ADAMTS20: variants seen among roughly 807,000 people sequenced by gnomAD.
ADAMTS20 encodes the protein ADAM metallopeptidase with thrombospondin type 1 motif 20.
In ADAMTS20, 225 loss-of-function variants were observed where a neutral mutation model predicts 260.1. The observed-to-expected ratio is 0.87, with a 90% confidence interval of 0.78 to 0.97. The LOEUF (loss-of-function observed/expected upper bound fraction) is 0.97, where lower values mean the gene tolerates loss of function less well. Among genes scored for constraint, ADAMTS20 ranks in the 50% least tolerant of loss-of-function variants. The pLI is 0.00. For synonymous variants in ADAMTS20, 802 were observed against 769.5 expected (o/e 1.04, Z -0.70); for missense variants, 2,400 against 2,337.7 (o/e 1.03, Z -0.55).
rs763702051 is a variant in ADAMTS20 at position 43,452,686 on chromosome 12, G to T, written c.1770C>A (p.Asn590Lys). ...TRRCNRPEPR[N>K]GGNYCVGRRM... ...TGCGGCCCACACAGTAATTTCCTCCGTTTCTTGGCCTAGTCAAATTCATTA... is the reference window on the plus strand; with the variant it reads ...TGCGGCCCACACAGTAATTTCCTCCTTTTCTTGGCCTAGTCAAATTCATTA... The change falls in exon 13 of 39, where the codon AAC (asparagine) becomes AAA (lysine). Residue 590 changes from asparagine to lysine, a missense_variant. Asn to Lys is a moderately conservative substitution (Grantham distance 94). Coordinates refer to ENST00000389420, the MANE Select transcript of ADAMTS20 (RefSeq NM_025003.5). 4 of 1,601,960 alleles carry T rather than the reference G, an allele frequency of 2.5e-6. No homozygotes were observed. The highest frequency in any genetic ancestry group is 2.2e-5 in the South Asian group (2 of 89,930).
chr12:43,551,050 G>A lies in ADAMTS20; in HGVS notation c.312C>T (p.Tyr104=). 6.2e-7 allele frequency: 1 copy of A among 1,613,950 alleles called. No homozygotes were observed. ...TADASFLAAG[Y]TEVHLGTPER... is the part of the protein sequence containing the mutation. ...CCGGGGTTCCCAAGTGCACCTCGGT[G>A]TAGCCGGCGGCCAGAAAGGATGCAT... Residue 104 remains tyrosine, a synonymous_variant, in exon 2 of 39, where the codon TAC becomes TAT. Transcript: ENST00000389420. The surrounding 1 kb of genome is among the most constrained non-coding windows in gnomAD (Gnocchi z 4.6).
Position 43,552,169 on chromosome 12 carries a change from ACT to A in ADAMTS20, c.-250_-249del, listed in dbSNP as rs1160620246. On this transcript the variant is annotated 5_prime_UTR_variant, in exon 1 of 39. Transcript: ENST00000389420. Reference sequence around the variant, plus strand: ...TCCTGCGCCCGCGCTGCCCTCAGAAACTCTCTGCTCAGGTTCAGCTCGGCGCG... The same window carrying A: ...TCCTGCGCCCGCGCTGCCCTCAGAAACTCTGCTCAGGTTCAGCTCGGCGCG... 1.3e-5 allele frequency among the ~76,000 whole-genome samples: 2 copies of A among 151,978 alleles called. No homozygotes were observed. The highest frequency in any genetic ancestry group is 2.1e-4 in the South Asian group (1 of 4,818).
intron 4 of ADAMTS20, among the ~76,000 whole-genome samples, chr12:43,493,548 T>A (rs749967326): frequency 1.1e-4 from 16 of 152,134 alleles, no homozygotes; most frequent in Non-Finnish European, 1.3e-4. Flanking sequence ...AGAGCTGATA[T>A]GAAACACAGA....
chr12:43,426,045 C>T (rs1941327045), intron 27 of ADAMTS20, among the ~76,000 whole-genome samples: 1 of 152,012 alleles, frequency 6.6e-6, no homozygotes, highest in Non-Finnish European at 1.5e-5. Context: ...AAGTCATGAG[C>T]ATTAATTACA....
At chr12:43,387,871 C>A (rs995617564) in intron 29 of ADAMTS20, among the ~76,000 whole-genome samples, 1 of 152,114 alleles carries the variant, frequency 6.6e-6, no homozygotes. Flanking sequence ...ATGGCTGATG[C>A]CCCTCCCCCC....
chr12:43,467,239 A>T (rs1050980834), intron 8 of ADAMTS20, among the ~76,000 whole-genome samples: 1 of 152,078 alleles, frequency 6.6e-6, no homozygotes, highest in Non-Finnish European at 1.5e-5. Context: ...ATTCTACAGT[A>T]TCCATCTATT....
At chr12:43,363,729 A>T (rs1166182298) in intron 37 of ADAMTS20, among the ~76,000 whole-genome samples, 5 of 152,208 alleles carry the variant, frequency 3.3e-5, no homozygotes, top group Non-Finnish European at 7.3e-5. Flanking sequence ...TGTTGTTAAG[A>T]GGAGGGTAGT....
chr12:43,535,555 C>T (rs1159608954), intron 2 of ADAMTS20, among the ~76,000 whole-genome samples: 1 of 152,098 alleles, frequency 6.6e-6, no homozygotes, highest in Non-Finnish European at 1.5e-5. Context: ...CAACAGAAAG[C>T]ACAGATATGT....
At chr12:43,360,177 G>A (rs1249116096) in intron 37 of ADAMTS20, among the ~76,000 whole-genome samples, 2 of 152,162 alleles carry the variant, frequency 1.3e-5, no homozygotes, top group Non-Finnish European at 2.9e-5. Flanking sequence ...GGCCGGGCAC[G>A]GTGGCTCACG....
At chr12:43,469,657 C>A (rs1942217692) in intron 7 of ADAMTS20, among the ~76,000 whole-genome samples, 1 of 152,096 alleles carries the variant, frequency 6.6e-6, no homozygotes, top group Non-Finnish European at 1.5e-5. Flanking sequence ...CAGTTTCTTA[C>A]TGTAAAGCTT....
intron 28 of ADAMTS20, among the ~76,000 whole-genome samples, chr12:43,400,974 C>T (rs74082641): frequency 4.8e-4 from 73 of 151,982 alleles, no homozygotes; most frequent in African/African-American, 1.7e-3. Context: ...CCTCCAAGTG[C>T]TTATAATCTA....
intron 4 of ADAMTS20, among the ~76,000 whole-genome samples, chr12:43,500,688 T>G (rs956746217): frequency 1.3e-5 from 2 of 152,218 alleles, no homozygotes; most frequent in Non-Finnish European, 1.5e-5. Flanking sequence ...TTTATCACAA[T>G]GCACTGAATT....
At chr12:43,420,982 A>G (rs1941221780) in intron 28 of ADAMTS20, among the ~76,000 whole-genome samples, 1 of 150,088 alleles carries the variant, frequency 6.7e-6, no homozygotes, top group African/African-American at 2.5e-5. Context: ...TAATTTTTGT[A>G]TTTTTAGTAG....
intron 7 of ADAMTS20, among the ~76,000 whole-genome samples, chr12:43,476,811 C>A: frequency 6.9e-6 from 1 of 145,550 alleles, no homozygotes; most frequent in Non-Finnish European, 1.5e-5. Context: ...CAGCTGGACA[C>A]ATGAAGGGGA....
rs7959922 is a variant in ADAMTS20, at chr12:43,361,618, G to A, written c.5539-5030C>T. Among the ~76,000 whole-genome samples the A allele has an allele frequency of 4.6e-3, 695 of 152,234 alleles. 6 individuals carry two copies. The highest frequency in any genetic ancestry group is 0.016 in the African/African-American group (664 of 41,526). On this transcript the variant is annotated intron_variant, in intron 37 of 38. Coordinates refer to ENST00000389420, the MANE Select transcript of ADAMTS20 (RefSeq NM_025003.5). The stretch of plus-strand genomic sequence containing the variant: ...TTCTTCAGCTATAAACTGGGCAATC[G>A]CAGTTTATAGCTATATAACTTTTTC...
At chr12:43,441,138 A>G (rs1941658911) in intron 16 of ADAMTS20, among the ~76,000 whole-genome samples, 1 of 151,846 alleles carries the variant, frequency 6.6e-6, no homozygotes. Flanking sequence ...GCCATTCTCT[A>G]TACAAACGTC....
intron 3 of ADAMTS20, among the ~76,000 whole-genome samples, chr12:43,523,379 G>T (rs968043495): frequency 4.6e-5 from 7 of 152,042 alleles, no homozygotes; most frequent in African/African-American, 1.5e-4. Context: ...TCAGGTAGTG[G>T]TCATAAGTTG....
intron 28 of ADAMTS20, chr12:43,423,629 T>C (rs75724100): frequency 0.083 from 54,113 of 651,734 alleles, 2,947 homozygotes; most frequent in Non-Finnish European, 0.093. Context: ...TGAAAGAAGA[T>C]GGAACAGAGA....
Position 43,376,621 on chromosome 12 carries a change from C to T in ADAMTS20, c.5028G>A (p.Lys1676=), listed in dbSNP as rs748819742. 30 of 1,613,060 alleles carry T rather than the reference C, an allele frequency of 1.9e-5. No individual in the cohort carries two copies. The highest frequency in any genetic ancestry group is 2.7e-5 in the African/African-American group (2 of 74,888). ...GTTTGGTAATGCATTTCACTTGTCT[C>T]TTCATTATCCCAATTCCACAAGTCA... ...CSVTCGIGIM[K]RQVKCITKHG... Residue 1676 remains lysine (K), a synonymous_variant, in exon 33 of 39, where the codon AAG becomes AAA. Transcript: ENST00000389420.
Sources: allele counts gnomAD v4.1 joint callset (sites outside exome capture counted in the v4.1 genomes callset), GRCh38; gene constraint gnomAD v4.1.1; non-coding constraint Gnocchi (gnomAD v3.1); transcripts MANE v1.5; gene names NCBI Gene and HGNC (gene_info 2026-07-23, HGNC 2026-07-21).